CEP95: variants seen among roughly 807,000 people sequenced by gnomAD.
CEP95 encodes the protein centrosomal protein 95.
Under a neutral mutation model 111.2 loss-of-function variants are expected in CEP95, and 98 were observed. That is an observed-to-expected ratio of 0.88 (90% confidence interval 0.75 to 1.04). The LOEUF (loss-of-function observed/expected upper bound fraction) is 1.04, where lower values mean the gene tolerates loss of function less well. Ranked by LOEUF, CEP95 falls within the 50% of genes least tolerant of loss-of-function variation. CEP95 has a pLI of 0.00. For missense variants in CEP95, 1,027 were observed against 977.2 expected (o/e 1.05, Z -0.68); for synonymous variants, 323 against 327.1 (o/e 0.99, Z 0.14).
chr17:64,514,568 G>A, intron 4 of CEP95: 1 of 423,178 alleles, frequency 2.4e-6, no homozygotes, highest in Non-Finnish European at 4.2e-6. Context: ...CTTGGATGTT[G>A]CTCATAAATT....
chr17:64,531,731 C>T (rs1386042617), intron 13 of CEP95, among the ~76,000 whole-genome samples, 159 bp from the exon 14 acceptor site: 3 of 152,050 alleles, frequency 2.0e-5, no homozygotes, highest in Non-Finnish European at 4.4e-5. Flanking sequence ...GAATATTAAC[C>T]AGATTTTACA....
chr17:64,532,813 TAAG>T, intron 14 of CEP95, 23 bp from the exon 15 acceptor site: 1 of 1,599,180 alleles, frequency 6.3e-7, no homozygotes, highest in Non-Finnish European at 8.5e-7. Flanking sequence ...CGTCTCAGAT[TAAG>T]AACATCTTAT....
intron 12 of CEP95, 128 bp downstream of exon 12, chr17:64,529,555 A>G (rs1028984124): frequency 3.3e-6 from 3 of 909,228 alleles, no homozygotes; most frequent in Non-Finnish European, 5.0e-6. Context: ...GGAGTGGATG[A>G]TAGAGAGCTA....
chr17:64,521,983 A>G (rs1055577536), intron 7 of CEP95, among the ~76,000 whole-genome samples: 5 of 152,148 alleles, frequency 3.3e-5, no homozygotes, highest in East Asian at 1.9e-4. Context: ...CAGCCTCCCA[A>G]GTAGCTGGGA....
chr17:64,511,981 T>C (rs1159735178), intron 3 of CEP95, among the ~76,000 whole-genome samples: 4 of 152,228 alleles, frequency 2.6e-5, no homozygotes, highest in Non-Finnish European at 5.9e-5. Flanking sequence ...TTGTTTGTGA[T>C]AGCTAAAAAT....
Position 64,525,887 on chromosome 17 carries a change from C to A in CEP95, c.1022+5C>A. The stretch of plus-strand genomic sequence containing the variant: ...GAAGCCTCCCAAAGGAAAAAGGTAA[C>A]ATTACTGCAGACTTCAGTGTTTACA... On this transcript the variant is annotated splice_donor_5th_base_variant and intron_variant, in intron 9 of 19. Transcript: ENST00000556440. The A allele has an allele frequency of 6.4e-7, 1 of 1,550,766 alleles. No individual in the cohort carries two copies. Among genetic ancestry groups the A allele is most frequent in the Non-Finnish European group, 8.7e-7 (1 of 1,152,374 alleles).
chr17:64,527,316 G>T, intron 11 of CEP95, 52 bp downstream of exon 11: 1 of 1,410,966 alleles, frequency 7.1e-7, no homozygotes. Context: ...AACTACTTAG[G>T]CAGTTCCATC....
intron 10 of CEP95, 59 bp from the exon 11 acceptor site, chr17:64,527,052 C>T: frequency 1.4e-6 from 2 of 1,471,664 alleles, no homozygotes; most frequent in African/African-American, 1.4e-5. Context: ...CTGCCTACTC[C>T]TACGAATTTA....
intron 16 of CEP95, among the ~76,000 whole-genome samples, chr17:64,533,423 T>C (rs1364778071): frequency 1.3e-5 from 2 of 151,976 alleles, no homozygotes; most frequent in African/African-American, 2.4e-5. Context: ...AGTGGGACCC[T>C]GTCATTAAAA....
chr17:64,510,434 CAT>C (rs1183525779), intron 3 of CEP95, among the ~76,000 whole-genome samples, 154 bp downstream of exon 3: 1 of 152,206 alleles, frequency 6.6e-6, no homozygotes, highest in Non-Finnish European at 1.5e-5. Flanking sequence ...AGGTCAGGTC[CAT>C]ACATGAGAAC....
chr17:64,520,957 A>G (rs1163285042), intron 6 of CEP95, among the ~76,000 whole-genome samples: 3 of 152,176 alleles, frequency 2.0e-5, no homozygotes, highest in Non-Finnish European at 4.4e-5. Flanking sequence ...AATAATTGAT[A>G]TTATGGCCCG....
In CEP95 at chr17:64,527,124, C is replaced by T. The variant is rs1555679255; in HGVS notation, c.1166C>T (p.Ala389Val). Residue 389 changes from alanine to valine, a missense_variant, in exon 11 of 20, where the codon GCT becomes GTT. Transcript: ENST00000556440. ...TTTTCTCAATAGATGTTAAAAAGTG[C>T]TCTGGGTGATCGGATTAAAGAAAAG... ...LSELDWMLKS[A>V]LGDRIKEKTD... is the part of the protein sequence containing the mutation. The T allele has an allele frequency of 1.2e-6, 2 of 1,612,054 alleles. No individual in the cohort carries two copies. Among genetic ancestry groups the T allele is most frequent in the African/African-American group, 2.7e-5 (2 of 74,738 alleles).
intron 3 of CEP95, 81 bp downstream of exon 3, chr17:64,510,361 C>T: frequency 1.1e-6 from 1 of 888,556 alleles, no homozygotes; most frequent in Admixed American, 2.0e-5. Flanking sequence ...TTTACTTAAC[C>T]AAATGAGTGA....
At chr17:64,531,090 A>G in intron 13 of CEP95, 72 bp downstream of exon 13, 1 of 902,934 alleles carries the variant, frequency 1.1e-6, no homozygotes, top group Admixed American at 3.0e-5. Context: ...TGATCTTTTT[A>G]AAAGAAGAAG....
chr17:64,514,832 A>G, intron 4 of CEP95: 1 of 173,072 alleles, frequency 5.8e-6, no homozygotes, highest in Non-Finnish European at 1.2e-5. Context: ...CTGTCTTAAT[A>G]ATTTGAGATT....
intron 16 of CEP95, 57 bp downstream of exon 16, chr17:64,533,248 T>A: frequency 7.1e-7 from 1 of 1,409,182 alleles, no homozygotes; most frequent in Middle Eastern, 1.8e-4. Context: ...TCATTCCCTT[T>A]ATCTGTGCTA....
At chr17:64,531,244 C>CT (rs1165562860) in intron 13 of CEP95, 63 of 366,702 alleles carry the variant, frequency 1.7e-4, no homozygotes, top group Non-Finnish European at 7.3e-5. Flanking sequence ...TTTTCCGCTA[C>CT]TTAAAACTTC....
At position 64,533,163 on chromosome 17, in the gene CEP95, A is replaced by G. The variant is rs555264199; in HGVS notation, c.1889A>G (p.Lys630Arg). ...CATGACCTCCTTACTACCCTTGTCA[A>G]GAAAGAATATGAACATAACAAGAGA... ...RRHDLLTTLVKKEYEHNKRLQ... is the reference protein window; with the variant it reads ...RRHDLLTTLVRKEYEHNKRLQ... Residue 630 changes from lysine to arginine, a missense_variant, in exon 16 of 20, where the codon AAG becomes AGG. Coordinates refer to ENST00000556440, the MANE Select transcript of CEP95 (RefSeq NM_138363.3). The G allele has an allele frequency of 6.3e-7, 1 of 1,590,474 alleles. No individual in the cohort carries two copies. The highest frequency in any genetic ancestry group is 1.4e-5 in the African/African-American group (1 of 73,138).
chr17:64,528,224 T>C (rs1461102477), intron 11 of CEP95, among the ~76,000 whole-genome samples: 2 of 152,180 alleles, frequency 1.3e-5, no homozygotes, highest in African/African-American at 4.8e-5. Context: ...ATATTTTACA[T>C]TTAGTTTTAT....
Sources: allele counts gnomAD v4.1 joint callset (sites outside exome capture counted in the v4.1 genomes callset), GRCh38; gene constraint gnomAD v4.1.1; transcripts MANE v1.5; gene names NCBI Gene and HGNC (gene_info 2026-07-23, HGNC 2026-07-21).